Variants in TNS1 observed in about 807,000 individuals in gnomAD.
TNS1 encodes the protein tensin 1.
TNS1 carries 62 observed loss-of-function variants against 168.6 expected under a neutral mutation model. That is an observed-to-expected ratio of 0.37 (90% CI 0.30 to 0.45). TNS1 has a LOEUF of 0.45. Among genes scored for constraint, TNS1 ranks in the 20% least tolerant of loss-of-function variants. The pLI, the probability that TNS1 is intolerant of heterozygous loss-of-function variation, is 1.00. For missense variants in TNS1, 2,240 were observed against 2,339.4 expected (o/e 0.96, Z 0.88); for synonymous variants, 934 against 933.2 (o/e 1.00, Z -0.02).
chr2:217,821,163 T>G (rs1460545702), intron 23 of TNS1, among the ~76,000 whole-genome samples: 2 of 152,132 alleles, frequency 1.3e-5, no homozygotes, highest in Non-Finnish European at 2.9e-5. Context: ...CCCATCTGAC[T>G]CTCATCCTGT....
At chr2:217,902,793 C>A (rs768835762) in intron 6 of TNS1, among the ~76,000 whole-genome samples, 5 of 152,122 alleles carry the variant, frequency 3.3e-5, no homozygotes. Context: ...GGATGGGGGA[C>A]GAACAGCTGG....
intron 19 of TNS1, among the ~76,000 whole-genome samples, chr2:217,839,289 T>A (rs1204717877): frequency 6.6e-6 from 1 of 152,056 alleles, no homozygotes; most frequent in Non-Finnish European, 1.5e-5. Context: ...CCTAACACCC[T>A]ATGTTCAAGG....
chr2:217,805,518 A>ACCG (rs1938545836), intron 32 of TNS1, among the ~76,000 whole-genome samples: 1 of 8,478 alleles, frequency 1.2e-4, no homozygotes, highest in African/African-American at 3.3e-4. Context: ...CACACACACC[A>ACCG]CACACACCAC....
chr2:218,018,165 C>T (rs562982587), intron 1 of TNS1, among the ~76,000 whole-genome samples: 23 of 152,326 alleles, frequency 1.5e-4, no homozygotes, highest in African/African-American at 5.3e-4. Context: ...CGCAGCCCAA[C>T]TCAAGACAAA....
Position 217,948,551 on chromosome 2 carries a change from C to T in TNS1, c.187-28315G>A, listed in dbSNP as rs956608321. Among the ~76,000 whole-genome samples, 1 of 152,128 alleles carries T rather than the reference C, an allele frequency of 6.6e-6. No individual in the cohort carries two copies. The highest frequency in any genetic ancestry group is 1.5e-5 in the Non-Finnish European group (1 of 68,008). ...TTCCCTCTTCTGACCATGCCCTCCC[C>T]GCTACAGCTAGAGATGAGTTCGGGC... is the stretch of plus-strand genomic sequence containing the variant. On this transcript the variant is annotated intron_variant, in intron 3 of 32. Transcript: ENST00000682258. The surrounding 1 kb of genome is among the most constrained non-coding windows in gnomAD (Gnocchi z 4.1).
chr2:217,905,249 C>A, intron 6 of TNS1: 1 of 302,300 alleles, frequency 3.3e-6, no homozygotes, highest in Non-Finnish European at 6.7e-6. Context: ...GGGACAAGGG[C>A]CCCTCCCCAG....
At chr2:218,004,849 G>A (rs142304689), upstream of TNS1, among the ~76,000 whole-genome samples, 3 of 152,312 alleles carry the variant, frequency 2.0e-5, no homozygotes, top group African/African-American at 4.8e-5. Context: ...TAAGCCTCCT[G>A]GGGCTTCACT....
chr2:217,850,610 C>T (rs999585331), intron 18 of TNS1: 1 of 973,244 alleles, frequency 1.0e-6, no homozygotes, highest in Admixed American at 6.2e-5. Flanking sequence ...CACACACACA[C>T]ACACACACAC....
rs540766549 is a variant in TNS1 at position 217,826,720 on chromosome 2, G to T, written c.3373+4735C>A. ...GCAGCTGCATCAGAGGCTACAGGGA[G>T]TTGGGCAGGGCGGGAGAGGTGGGGA... On this transcript the variant is annotated intron_variant, in intron 22 of 32. Coordinates refer to ENST00000682258, the MANE Select transcript of TNS1 (RefSeq NM_001387777.1). 2.6e-5 allele frequency among the ~76,000 whole-genome samples: 4 copies of T among 152,308 alleles called. No individual in the cohort carries two copies. In the East Asian group the frequency reaches 7.7e-4, roughly 29 times the overall value.
chr2:217,818,659 C>A lies in TNS1; in HGVS notation c.3673G>T (p.Gly1225Ter). The A allele has an allele frequency of 6.2e-7, 1 of 1,614,200 alleles. No homozygotes were observed. Among genetic ancestry groups the A allele is most frequent in the Non-Finnish European group, 8.5e-7 (1 of 1,180,028 alleles). ...LESGFRSGSL[G>*]QPSPSAQRNY... ...CTCTGGGCAGACGGGCTGGGCTGTC[C>A]CAGGCTGCCTGAGCGGAAGCCAGAC... is the stretch of plus-strand genomic sequence containing the variant. Residue 1225 changes from glycine (G) to a stop codon, truncating the protein, a stop_gained, in exon 24 of 33, where the codon GGA (glycine) becomes TGA (stop). Coordinates refer to ENST00000682258, the MANE Select transcript of TNS1 (RefSeq NM_001387777.1). LOFTEE classifies it high-confidence loss of function.
intron 1 of TNS1, among the ~76,000 whole-genome samples, chr2:218,025,918 A>G (rs1958846787): frequency 6.6e-6 from 1 of 152,078 alleles, no homozygotes; most frequent in Admixed American, 6.5e-5. Flanking sequence ...GAGTGCAATG[A>G]GGCTAGGACG....
chr2:217,848,022 T>G lies in TNS1; in HGVS notation c.2495A>C (p.Gln832Pro). 6.6e-7 allele frequency: 1 copy of G among 1,518,518 alleles called. No individual in the cohort carries two copies. 94.1% of individuals were successfully genotyped at this position (1,518,518 alleles called of 1,614,324 possible). Residue 832 changes from glutamine (Q) to proline (P), a missense_variant, in exon 19 of 33, where the codon CAG becomes CCG. Transcript: ENST00000682258. ...PRAASQQEIE[Q>P]SIETLNMLML... is the part of the protein sequence containing the mutation. ...CAGCATATTGAGTGTTTCGATGGAC[T>G]GTTCAATCTCCTGCTGGGAGGCTGC... is the stretch of plus-strand genomic sequence containing the variant.
chr2:217,813,806 G>A lies in TNS1; in HGVS notation c.4740C>T (p.Leu1580=). The A allele has an allele frequency of 6.2e-7, 1 of 1,611,442 alleles. No individual in the cohort carries two copies. The highest frequency in any genetic ancestry group is 8.5e-7 in the Non-Finnish European group (1 of 1,178,782). The change falls in exon 26 of 33, where the codon CTC becomes CTT. Residue 1580 remains leucine (L), a synonymous_variant. Transcript: ENST00000682258. The surrounding 1 kb of genome is among the most constrained non-coding windows in gnomAD (Gnocchi z 4.0). Reference sequence around the variant, plus strand: ...AGGCCCCCGGCTCCTGGTCCTTGAGGAGCGCGATGGCTGCATGGGGAAGGG... The same window carrying A: ...AGGCCCCCGGCTCCTGGTCCTTGAGAAGCGCGATGGCTGCATGGGGAAGGG... ...PEISREQAIA[L]LKDQEPGAFI... is the part of the protein sequence containing the mutation.
At chr2:218,005,473 C>G (rs903605076), upstream of TNS1, among the ~76,000 whole-genome samples, 1 of 152,240 alleles carries the variant, frequency 6.6e-6, no homozygotes, top group African/African-American at 2.4e-5. Context: ...AATCGCTTAT[C>G]ATCAAGATGT....
intron 28 of TNS1, among the ~76,000 whole-genome samples, chr2:217,811,851 C>T (rs923325253): frequency 6.6e-6 from 1 of 152,236 alleles, no homozygotes; most frequent in Admixed American, 6.5e-5. Context: ...ACAGGACTTG[C>T]TCTTCCCTAA....
chr2:217,947,035 G>T (rs1957127782), intron 3 of TNS1, among the ~76,000 whole-genome samples: 1 of 146,490 alleles, frequency 6.8e-6, no homozygotes, highest in East Asian at 2.0e-4. Context: ...CAGCCCCCTG[G>T]CTCCCTCCTC....
chr2:217,937,333 C>T (rs951803608), intron 3 of TNS1, among the ~76,000 whole-genome samples: 18 of 152,174 alleles, frequency 1.2e-4, no homozygotes, highest in South Asian at 2.1e-4. Context: ...CAGCTGCTGC[C>T]GCACAGCGTC....
At chr2:217,968,157 G>A (rs1025863625) in intron 3 of TNS1, among the ~76,000 whole-genome samples, 1 of 152,188 alleles carries the variant, frequency 6.6e-6, no homozygotes, top group Admixed American at 6.6e-5. Context: ...ACCTGATGAA[G>A]GGCATCTGTG....
At chr2:217,922,757 G>C (rs189677916) in intron 3 of TNS1, among the ~76,000 whole-genome samples, 1 of 152,274 alleles carries the variant, frequency 6.6e-6, no homozygotes, top group East Asian at 1.9e-4. Context: ...CACCCCCTAA[G>C]AACCTGGCCC....
Sources: allele counts gnomAD v4.1 joint callset (sites outside exome capture counted in the v4.1 genomes callset), GRCh38; gene constraint gnomAD v4.1.1; non-coding constraint Gnocchi (gnomAD v3.1); transcripts MANE v1.5; gene names NCBI Gene and HGNC (gene_info 2026-07-23, HGNC 2026-07-21).